The following RBMS1 variants were observed in gnomAD, a reference collection of about 807,000 sequenced individuals.
The protein encoded by RBMS1 is RNA-binding motif, single-stranded-interacting protein 1.
RBMS1 carries 17 observed loss-of-function variants against 62.3 expected under a neutral mutation model. That is an observed-to-expected ratio of 0.27 (90% CI 0.19 to 0.41). The LOEUF (loss-of-function observed/expected upper bound fraction) is 0.41. Ranked by LOEUF, RBMS1 falls within the 10% of genes least tolerant of loss-of-function variation. The probability of loss-of-function intolerance (pLI) is 1.00; values close to 1 mark genes in which losing one functional copy is unlikely to be tolerated. For synonymous variants in RBMS1, 172 were observed against 170.0 expected, an observed-to-expected ratio of 1.01 and a Z score of -0.09; for missense variants, 334 against 504.5, an observed-to-expected ratio of 0.66 and a Z score of 3.24.
At chr2:160,307,623 A>C (rs1423735371) in intron 4 of RBMS1, among the ~76,000 whole-genome samples, 1 of 152,256 alleles carries the variant, frequency 6.6e-6, no homozygotes, top group Non-Finnish European at 1.5e-5. Flanking sequence ...CAGGTTTTCC[A>C]AAAGGCCCAA....
At chr2:160,466,493 G>A (rs959726972) in intron 1 of RBMS1, among the ~76,000 whole-genome samples, 1 of 152,180 alleles carries the variant, frequency 6.6e-6, no homozygotes, top group Non-Finnish European at 1.5e-5. Flanking sequence ...AATTGGAACA[G>A]TGAAGTCCTC....
At chr2:160,343,710 C>T (rs4452095) in intron 2 of RBMS1, among the ~76,000 whole-genome samples, 112,872 of 152,116 alleles carry the variant, frequency 0.74, 42,721 homozygotes, top group East Asian at 0.83. Flanking sequence ...TATTTTATAG[C>T]ACTTGTTCTG....
intron 10 of RBMS1, chr2:160,279,285 T>C (rs947698282): frequency 2.6e-5 from 4 of 152,060 alleles, no homozygotes; most frequent in African/African-American, 9.7e-5. Flanking sequence ...ATAATCTGAG[T>C]CCAGATTCTT....
At chr2:160,468,367 A>C (rs1290338864) in intron 1 of RBMS1, among the ~76,000 whole-genome samples, 1 of 152,206 alleles carries the variant, frequency 6.6e-6, no homozygotes, top group African/African-American at 2.4e-5. Context: ...TATCTGATTT[A>C]GTTTTGGACT....
chr2:160,416,641 G>A (rs1289591379), intron 1 of RBMS1, among the ~76,000 whole-genome samples: 4 of 152,070 alleles, frequency 2.6e-5, no homozygotes, highest in African/African-American at 9.7e-5. Flanking sequence ...GATACCCTCA[G>A]GTCGATCAGG....
Position 160,388,881 on chromosome 2 carries a change from G to T in RBMS1, c.76-21490C>A, listed in dbSNP as rs1025727817. Among the ~76,000 whole-genome samples the T allele has an allele frequency of 6.6e-5, 10 of 152,206 alleles. No individual in the cohort carries two copies. In the East Asian group the frequency reaches 7.7e-4, roughly 12 times the overall value. On this transcript the variant is annotated intron_variant, in intron 1 of 13. Transcript: ENST00000348849. ...ACAAATTGCTGGGATGAATCCCCCT[G>T]GGGGGAGGCCTTCCACAGCATACAC...
Position 160,311,236 on chromosome 2 carries a change from A to ATCTATC in RBMS1, c.402+1919_402+1920insGATAGA, listed in dbSNP as rs1553505443. Among the ~76,000 whole-genome samples the ATCTATC allele has an allele frequency of 3.9e-3, 236 of 60,698 alleles. 8 individuals are homozygous for ATCTATC. Among genetic ancestry groups the ATCTATC allele is most frequent in the African/African-American group, 0.013 (220 of 16,810 alleles). The allele number at this position is 60,698 out of a possible 152,430, so 39.8% of individuals were successfully genotyped here. A position where few individuals can be genotyped will look rare whatever the true frequency, so the allele number is the denominator to read the frequency against. ...TCTATCTATCTATCTATCTATCTAT[A>ATCTATC]TATATATATATATATATATATAGTC... On this transcript the variant is annotated intron_variant, in intron 4 of 13. Transcript: ENST00000348849.
chr2:160,304,656 A>G (rs1023867802), intron 4 of RBMS1, among the ~76,000 whole-genome samples: 5 of 152,318 alleles, frequency 3.3e-5, no homozygotes, highest in East Asian at 3.9e-4. Context: ...TTTTTTATAA[A>G]AAAGTTTAGA....
intron 2 of RBMS1, among the ~76,000 whole-genome samples, chr2:160,323,048 C>T (rs1366555321): frequency 1.3e-5 from 2 of 152,160 alleles, no homozygotes; most frequent in Non-Finnish European, 1.5e-5. Context: ...CTGTTATAGA[C>T]AGTTAACATT....
chr2:160,447,328 C>T (rs1274041085), intron 1 of RBMS1, among the ~76,000 whole-genome samples: 1 of 152,180 alleles, frequency 6.6e-6, no homozygotes, highest in Admixed American at 6.5e-5. Flanking sequence ...CCACATTCCA[C>T]TTACCACAAC....
intron 1 of RBMS1, among the ~76,000 whole-genome samples, chr2:160,440,080 AGGGG>A (rs1683346770): frequency 2.3e-5 from 1 of 43,442 alleles, no homozygotes; most frequent in Non-Finnish European, 4.6e-5. Context: ...GAGAGGGGAG[AGGGG>A]AGAGGGGAGA....
At chr2:160,379,047 C>T (rs1694146328) in intron 1 of RBMS1, among the ~76,000 whole-genome samples, 2 of 152,074 alleles carry the variant, frequency 1.3e-5, no homozygotes, top group African/African-American at 4.8e-5. Context: ...TGGCAAAACC[C>T]TATCTCTACA....
At chr2:160,381,244 G>A (rs1326103903) in intron 1 of RBMS1, among the ~76,000 whole-genome samples, 5 of 152,100 alleles carry the variant, frequency 3.3e-5, no homozygotes, top group South Asian at 4.1e-4. Flanking sequence ...CCTTAATAGG[G>A]GGATAGGTTT....
At chr2:160,468,964 A>T (rs6753933) in intron 1 of RBMS1, among the ~76,000 whole-genome samples, 33,023 of 151,980 alleles carry the variant, frequency 0.22, 3,928 homozygotes, top group African/African-American at 0.3. Flanking sequence ...GCCCCAGAGG[A>T]CCCTTCAACA....
At chr2:160,370,642 C>T (rs1172363120) in intron 1 of RBMS1, among the ~76,000 whole-genome samples, 5 of 152,304 alleles carry the variant, frequency 3.3e-5, no homozygotes, top group South Asian at 4.1e-4. Context: ...AGAATTTGAA[C>T]GCAGGTCTGC....
At chr2:160,466,723 C>T (rs1684710642) in intron 1 of RBMS1, among the ~76,000 whole-genome samples, 1 of 152,076 alleles carries the variant, frequency 6.6e-6, no homozygotes, top group Non-Finnish European at 1.5e-5. Context: ...CTTAAGTGAA[C>T]CTAAAAGGAG....
chr2:160,287,060 T>C lies in RBMS1; in HGVS notation c.665A>G (p.Lys222Arg). The change falls in exon 7 of 14, where the codon AAG (lysine) becomes AGG (arginine). Residue 222 changes from lysine (K) to arginine (R), a missense_variant. Around this residue, in one of 3 missense-constraint regions of RBMS1, gnomAD observed 182 missense variants for 257.7 expected, o/e 0.71. Coordinates refer to ENST00000348849, the MANE Select transcript of RBMS1 (RefSeq NM_016836.4). ...VSAPTEPLLCKFADGGQKKRQ... is the reference protein window; with the variant it reads ...VSAPTEPLLCRFADGGQKKRQ... ...CTTTTTCTGTCCTCCATCAGCAAAC[T>C]TACACAATAAAGGTTCTGTGGGGGC... 6.2e-7 allele frequency: 1 copy of C among 1,613,882 alleles called. No individual in the cohort carries two copies. Among genetic ancestry groups the C allele is most frequent in the Non-Finnish European group, 8.5e-7 (1 of 1,179,952 alleles).
rs558377156 is a variant in RBMS1, at chr2:160,405,247, C to T, written c.76-37856G>A. 1.4e-4 allele frequency among the ~76,000 whole-genome samples: 18 copies of T among 132,300 alleles called. No homozygotes were observed. In the East Asian group the frequency reaches 4.6e-3, roughly 34 times the overall value. The allele number at this position is 132,300 out of a possible 152,430, so 86.8% of individuals were successfully genotyped here. A position where few individuals can be genotyped will look rare whatever the true frequency, so the allele number is the denominator to read the frequency against. On this transcript the variant is annotated intron_variant, in intron 1 of 13. Transcript: ENST00000348849. ...TTCCAAAGGTGACTGTAAAGTATTC[C>T]TTACATTCCATTTTTTTTTTTTCTG...
At chr2:160,304,915 C>G (rs1405686956) in intron 4 of RBMS1, among the ~76,000 whole-genome samples, 1 of 152,116 alleles carries the variant, frequency 6.6e-6, no homozygotes, top group East Asian at 1.9e-4. Flanking sequence ...AGTGCAGTGG[C>G]GCGATCTCAG....
Sources: gnomAD v4.1 joint callset for allele counts (sites outside exome capture counted in the v4.1 genomes callset) on GRCh38, gnomAD v4.1.1 for gene constraint, gnomAD v4.1.1 regional missense constraint, MANE v1.5 for transcripts, NCBI Gene and HGNC (gene_info 2026-07-23, HGNC 2026-07-21) for gene names.